The following GOLGA8M variants were observed in gnomAD, a reference collection of about 807,000 sequenced individuals.
The protein encoded by GOLGA8M is golgin A8 family member M.
GOLGA8M carries 34 observed loss-of-function variants against 87.7 expected under a neutral mutation model. That is an observed-to-expected ratio of 0.39 (90% CI 0.29 to 0.52). The LOEUF is 0.52. Among genes scored for constraint, GOLGA8M ranks in the 20% least tolerant of loss-of-function variants. The probability of loss-of-function intolerance (pLI) is 0.80; values close to 1 mark genes in which losing one functional copy is unlikely to be tolerated. For missense variants in GOLGA8M, 396 were observed against 682.2 expected, an observed-to-expected ratio of 0.58 and a Z score of 4.67; for synonymous variants, 138 against 250.2, an observed-to-expected ratio of 0.55 and a Z score of 4.23.
intron 4 of GOLGA8M, among the ~76,000 whole-genome samples, 180 bp from the exon 5 acceptor site, chr15:28,708,593 GGCTTTTGCCCA>G (rs1267939070): frequency 1.4e-5 from 2 of 147,240 alleles, no homozygotes; most frequent in Non-Finnish European, 3.0e-5. Context: ...GGTCTTTGTG[GGCTTTTGCCCA>G]CAGCCACAGA....
At chr15:28,708,095 G>A in intron 6 of GOLGA8M, 31 bp downstream of exon 6, 3 of 1,606,088 alleles carry the variant, frequency 1.9e-6, no homozygotes, top group South Asian at 2.2e-5. Flanking sequence ...TTCTCCGGAG[G>A]ACAGGAGGAA....
In GOLGA8M at chr15:28,700,705, T is replaced by A. The variant is rs1188885508; in HGVS notation, c.*1249A>T. On this transcript the variant is annotated 3_prime_UTR_variant, in exon 19 of 19. Transcript: ENST00000563027. ...TTATAATAATGTTTCTATTATTTTT[T>A]AAAGTGTTTTCCATTCAAGGAAAAA... Among the ~76,000 whole-genome samples, 1 of 151,738 alleles carries A rather than the reference T, an allele frequency of 6.6e-6. No homozygotes were observed. Among genetic ancestry groups the A allele is most frequent in the Non-Finnish European group, 1.5e-5 (1 of 67,984 alleles).
intron 15 of GOLGA8M, 114 bp from the exon 16 acceptor site, chr15:28,702,859 T>C (rs2079852935): frequency 3.2e-6 from 5 of 1,552,232 alleles, no homozygotes; most frequent in East Asian, 5.0e-5. Context: ...CTCCGTGACT[T>C]CCTGCAGGGC....
At position 28,701,787 on chromosome 15, in the gene GOLGA8M, CTCTTT is replaced by C. The variant is rs747787080; in HGVS notation, c.*162_*166del. 2.1e-4 allele frequency among the ~76,000 whole-genome samples: 32 copies of C among 151,740 alleles called. No individual in the cohort carries two copies. The highest frequency in any genetic ancestry group is 4.6e-4 in the Admixed American group (7 of 15,248). ...TCAGTGAGAGCCACAGACACCCACT[CTCTTT>C]TAACTTTTTACAAATAAACTTAAAA... On this transcript the variant is annotated 3_prime_UTR_variant, in exon 19 of 19. Coordinates refer to ENST00000563027, the MANE Select transcript of GOLGA8M (RefSeq NM_001282468.3).
chr15:28,701,671 C>T lies in GOLGA8M; in HGVS notation c.*283G>A, dbSNP rs918707097. Among the ~76,000 whole-genome samples the T allele has an allele frequency of 6.6e-6, 1 of 152,064 alleles. No homozygotes were observed. The highest frequency in any genetic ancestry group is 2.4e-5 in the African/African-American group (1 of 41,390). On this transcript the variant is annotated 3_prime_UTR_variant, in exon 19 of 19. Transcript: ENST00000563027. ...AGTGGGTCTTTGTGTGTTTGAACTT[C>T]CACCACGTAAGGGCAAACTCGATAT...
At chr15:28,712,083 C>A (rs915905716) in intron 1 of GOLGA8M, 193 bp downstream of exon 1, 1 of 982,602 alleles carries the variant, frequency 1.0e-6, no homozygotes, top group African/African-American at 1.8e-5. Flanking sequence ...GGGTGATTGG[C>A]GAGGGCAAGG....
At chr15:28,712,692 G>T (rs2080229470), upstream of GOLGA8M, among the ~76,000 whole-genome samples, 1 of 152,100 alleles carries the variant, frequency 6.6e-6, no homozygotes, top group South Asian at 2.1e-4. Context: ...AAAAATATAT[G>T]TGTGTATACT....
intron 15 of GOLGA8M, 39 bp downstream of exon 15, chr15:28,703,279 AG>A: frequency 2.2e-6 from 1 of 461,226 alleles, no homozygotes; most frequent in South Asian, 2.0e-5. Flanking sequence ...GGGACCACAG[AG>A]AAAGGTGGCA....
At chr15:28,707,078 G>A (rs566493081) in intron 8 of GOLGA8M, among the ~76,000 whole-genome samples, 1 of 135,384 alleles carries the variant, frequency 7.4e-6, no homozygotes, top group African/African-American at 3.2e-5. Flanking sequence ...AAAACATGGA[G>A]TATTTGAGGT....
At chr15:28,705,061 G>A in intron 13 of GOLGA8M, 98 bp downstream of exon 13, 2 of 1,555,682 alleles carry the variant, frequency 1.3e-6, no homozygotes, top group South Asian at 2.3e-5. Flanking sequence ...CAGCCCCCAG[G>A]CTGGAAGCTG....
At position 28,698,726 on chromosome 15, in the gene GOLGA8M, G is replaced by C. The variant is rs570242854; in HGVS notation, c.*3228C>G. 4.3e-3 allele frequency among the ~76,000 whole-genome samples: 596 copies of C among 138,978 alleles called. 1 individual carries two copies. Among genetic ancestry groups the C allele is most frequent in the African/African-American group, 9.9e-3 (336 of 33,812 alleles). The allele number at this position is 138,978 out of a possible 152,430, so 91.2% of individuals were successfully genotyped here. A position where few individuals can be genotyped will look rare whatever the true frequency, so the allele number is the denominator to read the frequency against. On this transcript the variant is annotated 3_prime_UTR_variant, in exon 19 of 19. Transcript: ENST00000563027. ...CAGTATCAATACCTTTAATACTATA[G>C]TTTTCAAGAAACGCAAAATAAAATT...
Position 28,702,204 on chromosome 15 carries a change from C to A in GOLGA8M, c.1723+10G>T. The A allele has an allele frequency of 6.3e-7, 1 of 1,589,950 alleles. No individual in the cohort carries two copies. ...CCTGCCTGCCCACACCACCTGAGGGCTGTACTCACCACCATGCTTGTCTGC... is the reference window on the plus strand; with the variant it reads ...CCTGCCTGCCCACACCACCTGAGGGATGTACTCACCACCATGCTTGTCTGC... On this transcript the variant is annotated intron_variant, in intron 18 of 18. Transcript: ENST00000563027.
chr15:28,704,627 G>A (rs900391470), intron 13 of GOLGA8M, among the ~76,000 whole-genome samples: 1 of 145,952 alleles, frequency 6.9e-6, no homozygotes, highest in Non-Finnish European at 1.5e-5. Flanking sequence ...GCCCAGGCTG[G>A]AGTGCAGTGG....
rs1327199565 is a variant in GOLGA8M at position 28,702,123 on chromosome 15, C to A, written c.1730G>T (p.Cys577Phe). Residue 577 changes from cysteine (C) to phenylalanine (F), a missense_variant, in exon 19 of 19, where the codon TGT (cysteine) becomes TTT (phenylalanine). Coordinates refer to ENST00000563027, the MANE Select transcript of GOLGA8M (RefSeq NM_001282468.3). ...GGCAGAGGAGGTGAGGCTCACCTCA[C>A]AAAGATCTTTGGAGAGAGGGAGGCA... ...LGAADKHGDL[C>F]EVSLTSSAQG... The A allele has an allele frequency of 1.3e-6, 2 of 1,580,160 alleles. No homozygotes were observed. Among genetic ancestry groups the A allele is most frequent in the Admixed American group, 3.5e-5 (2 of 57,140 alleles).
chr15:28,706,518 G>C lies in GOLGA8M; in HGVS notation c.679-12C>G. On this transcript the variant is annotated splice_polypyrimidine_tract_variant and intron_variant, in intron 9 of 18. Transcript: ENST00000563027. ...AATGACTCCTTCAACTGCAAGAATGGGCACAGAACTTAGGAAGGGCTGTCA... is the reference window on the plus strand; with the variant it reads ...AATGACTCCTTCAACTGCAAGAATGCGCACAGAACTTAGGAAGGGCTGTCA... The C allele has an allele frequency of 7.5e-7, 1 of 1,329,984 alleles. No homozygotes were observed. Among genetic ancestry groups the C allele is most frequent in the Non-Finnish European group, 1.1e-6 (1 of 933,738 alleles). 82.4% of individuals were successfully genotyped at this position (1,329,984 alleles called of 1,614,324 possible). A position where few individuals can be genotyped will look rare whatever the true frequency, so the allele number is the denominator to read the frequency against.
At position 28,702,625 on chromosome 15, in the gene GOLGA8M, T is replaced by A. The variant is rs1408868122; in HGVS notation, c.1469+20A>T. 6.2e-7 allele frequency: 1 copy of A among 1,610,316 alleles called. No homozygotes were observed. The highest frequency in any genetic ancestry group is 1.3e-5 in the African/African-American group (1 of 74,720). On this transcript the variant is annotated intron_variant, in intron 16 of 18. Transcript: ENST00000563027. Reference sequence around the variant, plus strand: ...GACGGTCCTGCAGCTCCCCCTGCCGTGCCCTGGCCTCCCACTCACTGATGG... The same window carrying A: ...GACGGTCCTGCAGCTCCCCCTGCCGAGCCCTGGCCTCCCACTCACTGATGG...
In GOLGA8M at chr15:28,707,734, G is replaced by A; in HGVS notation, c.591+14C>T. On this transcript the variant is annotated intron_variant, in intron 8 of 18. Coordinates refer to ENST00000563027, the MANE Select transcript of GOLGA8M (RefSeq NM_001282468.3). ...GCCAGACTCCCAGGGGATGGGGCAG[G>A]TGGTTGGACTCACCTGGTTTGCCTT... 1 of 1,543,560 alleles carries A rather than the reference G, an allele frequency of 6.5e-7. No individual in the cohort carries two copies. The highest frequency in any genetic ancestry group is 8.7e-7 in the Non-Finnish European group (1 of 1,151,396).
chr15:28,711,562 G>C (rs1304738580), intron 1 of GOLGA8M: 1 of 964,086 alleles, frequency 1.0e-6, no homozygotes. Context: ...GGAACCTCTT[G>C]CTCCTAGGTC....
In GOLGA8M at chr15:28,707,877, A is replaced by G. The variant is rs1197652307; in HGVS notation, c.482-20T>C. On this transcript the variant is annotated intron_variant, in intron 7 of 18. Transcript: ENST00000563027. ...ACTTTTCTGTAGTGAGAGAGTTGAG[A>G]TGGGGCCCAAAGGACTCCCCCTGAA... 1.0e-5 allele frequency: 16 copies of G among 1,574,302 alleles called. No homozygotes were observed. The highest frequency in any genetic ancestry group is 2.9e-5 in the African/African-American group (2 of 70,072).
Sources: gnomAD v4.1 joint callset for allele counts (sites outside exome capture counted in the v4.1 genomes callset) on GRCh38, gnomAD v4.1.1 for gene constraint, MANE v1.5 for transcripts, NCBI Gene and HGNC (gene_info 2026-07-23, HGNC 2026-07-21) for gene names.